Variants in RGSL1 observed in about 807,000 individuals in gnomAD.
RGSL1 encodes the protein regulator of G protein signaling like 1, also known as regulator of G protein signaling protein-like.
Under a neutral mutation model 124.7 loss-of-function variants are expected in RGSL1, and 97 were observed. The observed-to-expected ratio is 0.78, with a 90% CI of 0.66 to 0.92. The LOEUF (loss-of-function observed/expected upper bound fraction) is 0.92, where lower values mean the gene tolerates loss of function less well. Among genes scored for constraint, RGSL1 ranks in the 40% least tolerant of loss-of-function variants. The pLI, the probability that RGSL1 is intolerant of heterozygous loss-of-function variation, is 0.00. For synonymous variants in RGSL1, 424 were observed against 438.1 expected (o/e 0.97, Z 0.40); for missense variants, 1,233 against 1,288.4 (o/e 0.96, Z 0.66).
chr1:182,470,012 A>G (rs1653695355), intron 4 of RGSL1, among the ~76,000 whole-genome samples: 1 of 151,908 alleles, frequency 6.6e-6, no homozygotes, highest in African/African-American at 2.4e-5. Flanking sequence ...AGGAGGGGGG[A>G]AATAGGCAGT....
intron 9 of RGSL1, among the ~76,000 whole-genome samples, chr1:182,520,230 T>C (rs1042709900): frequency 6.6e-6 from 1 of 152,208 alleles, no homozygotes; most frequent in African/African-American, 2.4e-5. Flanking sequence ...GATTAAGTTG[T>C]TTCAAAGCTA....
chr1:182,509,545 C>A (rs1307295069), intron 9 of RGSL1, among the ~76,000 whole-genome samples: 1 of 109,792 alleles, frequency 9.1e-6, no homozygotes, highest in African/African-American at 4.0e-5. Flanking sequence ...GGGGGGCTGA[C>A]GCCCCCATCT....
rs1298413815 is a variant in RGSL1 at position 182,454,008 on chromosome 1, G to A, written c.64G>A (p.Ala22Thr). Residue 22 changes from alanine (A) to threonine (T), a missense_variant, in exon 2 of 22, where the codon GCC (alanine) becomes ACC (threonine). Ala to Thr is a moderately conservative substitution (Grantham distance 58). Coordinates refer to ENST00000294854, the MANE Select transcript of RGSL1 (RefSeq NM_001137669.2). ...LIILLEDEVF[A>T]DFFNTFLSLP... ...AATTCTGCTAGAGGATGAAGTCTTT[G>A]CCGATTTTTTCAACACATTTCTTTC... is the stretch of plus-strand genomic sequence containing the variant. 5 of 1,536,724 alleles carry A rather than the reference G, an allele frequency of 3.3e-6. No homozygotes were observed. Among genetic ancestry groups the A allele is most frequent in the Non-Finnish European group, 4.4e-6 (5 of 1,133,574 alleles).
intron 9 of RGSL1, among the ~76,000 whole-genome samples, chr1:182,519,844 G>A (rs1027820336): frequency 1.3e-5 from 2 of 151,932 alleles, no homozygotes; most frequent in African/African-American, 4.8e-5. Context: ...TCTGTCATTC[G>A]ACTCATCTAC....
In RGSL1 at chr1:182,548,787, A is replaced by G. The variant is rs2102323568; in HGVS notation, c.2896A>G (p.Met966Val). Residue 966 changes from methionine (M) to valine (V), a missense_variant, in exon 17 of 22, where the codon ATG becomes GTG. Coordinates refer to ENST00000294854, the MANE Select transcript of RGSL1 (RefSeq NM_001137669.2). Reference sequence around the variant, plus strand: ...TCGGAGCGTCTTCCATGGGGCTATCATGTCTGTCTTCCCCGTTGTTATGTA... The same window carrying G: ...TCGGAGCGTCTTCCATGGGGCTATCGTGTCTGTCTTCCCCGTTGTTATGTA... The part of the protein sequence containing the change: ...LDRSVFHGAI[M>V]SVFPVVMYFW... The G allele has an allele frequency of 1.9e-6, 3 of 1,551,562 alleles. No individual in the cohort carries two copies. The highest frequency in any genetic ancestry group is 2.6e-6 in the Non-Finnish European group (3 of 1,146,950).
chr1:182,542,113 T>C lies in RGSL1; in HGVS notation c.2669+1692T>C, dbSNP rs114664855. Among the ~76,000 whole-genome samples, 1,207 of 152,246 alleles carry C rather than the reference T, an allele frequency of 7.9e-3. 21 individuals carry two copies. The highest frequency in any genetic ancestry group is 0.028 in the African/African-American group (1,154 of 41,552). The stretch of plus-strand genomic sequence containing the variant: ...TCCATTTGTGTGTTTCTGCTTTGGC[T>C]CCCTATGCTTCTTACACAAAAACCT... On this transcript the variant is annotated intron_variant, in intron 15 of 21. Coordinates refer to ENST00000294854, the MANE Select transcript of RGSL1 (RefSeq NM_001137669.2).
At chr1:182,499,229 T>G (rs1656170719) in intron 9 of RGSL1, among the ~76,000 whole-genome samples, 1 of 152,186 alleles carries the variant, frequency 6.6e-6, no homozygotes, top group Non-Finnish European at 1.5e-5. Flanking sequence ...TGGAATACCT[T>G]TGTTAGTTTT....
chr1:182,486,917 C>T lies in RGSL1; in HGVS notation c.1432-1368C>T, dbSNP rs948210809. On this transcript the variant is annotated intron_variant, in intron 6 of 21. Coordinates refer to ENST00000294854, the MANE Select transcript of RGSL1 (RefSeq NM_001137669.2). ...CTTGAACTCCCAACCTCAGGTGATC[C>T]GCCTGCCTTGGCCTTCCAAAGTGCT... is the stretch of plus-strand genomic sequence containing the variant. Among the ~76,000 whole-genome samples the T allele has an allele frequency of 5.3e-5, 8 of 152,048 alleles. No homozygotes were observed. The East Asian group carries it at 7.8e-4, about 15-fold the overall frequency.
In RGSL1 at chr1:182,460,115, A is replaced by G; in HGVS notation, c.283A>G (p.Ile95Val). The change falls in exon 4 of 22, where the codon ATT (isoleucine) becomes GTT (valine). Residue 95 changes from isoleucine (I) to valine (V), a missense_variant. Physicochemically the swap from Ile to Val is conservative, Grantham distance 29 (BLOSUM62 3). Coordinates refer to ENST00000294854, the MANE Select transcript of RGSL1 (RefSeq NM_001137669.2). ...YILCQEFISF[I>V]KSPEGGEELV... is the part of the protein sequence containing the mutation. ...TCTCTGTCAGGAGTTCATCAGTTTC[A>G]TTAAGTCCCCAGAAGGAGGTAAGCA... 1 of 1,551,236 alleles carries G rather than the reference A, an allele frequency of 6.4e-7. No individual in the cohort carries two copies. The highest frequency in any genetic ancestry group is 8.7e-7 in the Non-Finnish European group (1 of 1,146,864).
intron 2 of RGSL1, among the ~76,000 whole-genome samples, chr1:182,456,747 A>G (rs1288691698): frequency 6.6e-6 from 1 of 152,264 alleles, no homozygotes; most frequent in Admixed American, 6.5e-5. Flanking sequence ...GCTGTGGCCT[A>G]TAAAGAGAGA....
chr1:182,548,505 C>T (rs1257116427), intron 16 of RGSL1, 50 bp downstream of exon 16: 1 of 1,547,092 alleles, frequency 6.5e-7, no homozygotes, highest in African/African-American at 1.4e-5. Context: ...AAGCATTTCC[C>T]CCACAAGGAC....
chr1:182,476,355 G>A (rs1006725102), intron 6 of RGSL1, among the ~76,000 whole-genome samples: 1 of 152,166 alleles, frequency 6.6e-6, no homozygotes, highest in Admixed American at 6.5e-5. Flanking sequence ...GCCTATCACA[G>A]TTACTCAGAC....
intron 6 of RGSL1, among the ~76,000 whole-genome samples, chr1:182,478,755 A>C (rs960835420): frequency 1.3e-5 from 2 of 152,204 alleles, no homozygotes; most frequent in Non-Finnish European, 2.9e-5. Flanking sequence ...AGATCTCCAA[A>C]TAGGCTGAAC....
At chr1:182,458,661 C>A (rs994762922) in intron 3 of RGSL1, among the ~76,000 whole-genome samples, 38 of 151,870 alleles carry the variant, frequency 2.5e-4, no homozygotes, top group Admixed American at 1.3e-3. Flanking sequence ...TTGGTAGAGA[C>A]GGAGTTTCAC....
At chr1:182,492,708 A>C (rs565363252) in intron 8 of RGSL1, among the ~76,000 whole-genome samples, 8 of 151,188 alleles carry the variant, frequency 5.3e-5, no homozygotes, top group African/African-American at 1.2e-4. Context: ...GGCTCACTAC[A>C]AGCTCCGCCT....
chr1:182,544,690 G>T (rs558867216), intron 15 of RGSL1, among the ~76,000 whole-genome samples: 1 of 151,996 alleles, frequency 6.6e-6, no homozygotes, highest in African/African-American at 2.4e-5. Context: ...TGGATGCATC[G>T]ATATTTATAA....
intron 6 of RGSL1, among the ~76,000 whole-genome samples, chr1:182,481,596 G>C (rs537112459): frequency 1.3e-5 from 2 of 152,308 alleles, no homozygotes; most frequent in East Asian, 3.9e-4. Flanking sequence ...TATGAGGCTA[G>C]AACTCTGACA....
At chr1:182,455,560 T>C (rs1223611271) in intron 2 of RGSL1, among the ~76,000 whole-genome samples, 2 of 149,582 alleles carry the variant, frequency 1.3e-5, no homozygotes, top group Admixed American at 1.3e-4. Flanking sequence ...CCAGCCTAAG[T>C]GACAGAGCGA....
intron 8 of RGSL1, 25 bp from the exon 9 acceptor site, chr1:182,492,997 A>G: frequency 6.9e-7 from 1 of 1,443,464 alleles, no homozygotes; most frequent in Non-Finnish European, 9.5e-7. Flanking sequence ...ACTAAACTCT[A>G]TCTCTGTTTT....
Sources: allele counts gnomAD v4.1 joint callset (sites outside exome capture counted in the v4.1 genomes callset), GRCh38; gene constraint gnomAD v4.1.1; transcripts MANE v1.5; gene names NCBI Gene and HGNC (gene_info 2026-07-23, HGNC 2026-07-21).